The following PROX1 variants were observed in gnomAD, a reference collection of about 807,000 sequenced individuals.
PROX1 encodes the protein prospero homeobox protein 1.
PROX1 carries 7 observed loss-of-function variants against 58.8 expected under a neutral mutation model. The observed-to-expected ratio is 0.12, with a 90% CI of 0.07 to 0.22. The LOEUF (loss-of-function observed/expected upper bound fraction) is 0.22, where lower values mean the gene tolerates loss of function less well. Ranked by LOEUF, PROX1 falls within the 10% of genes least tolerant of loss-of-function variation. PROX1 has a pLI of 1.00. For missense variants in PROX1, 675 were observed against 927.8 expected (o/e 0.73, Z 3.54); for synonymous variants, 350 against 358.3 (o/e 0.98, Z 0.26).
At position 214,038,694 on chromosome 1, in the gene PROX1, A is replaced by T. The variant is rs1664909425; in HGVS notation, c.*2860A>T. ...AAATACCAGTTTTTTCCCAACAAGTACAATTGTTCTTGTGCCTTCTGTGGC... is the reference window on the plus strand; with the variant it reads ...AAATACCAGTTTTTTCCCAACAAGTTCAATTGTTCTTGTGCCTTCTGTGGC... On this transcript the variant is annotated 3_prime_UTR_variant, in exon 5 of 5. Transcript: ENST00000366958. 6.6e-6 allele frequency: 1 copy of T among 152,198 alleles called. No homozygotes were observed. Among genetic ancestry groups the T allele is most frequent in the Non-Finnish European group, 1.5e-5 (1 of 68,040 alleles). The allele number at this position is 152,198 out of a possible 1,614,324, so 9.4% of individuals were successfully genotyped here. A position where few individuals can be genotyped will look rare whatever the true frequency, so the allele number is the denominator to read the frequency against.
intron 4 of PROX1, among the ~76,000 whole-genome samples, chr1:214,032,408 T>A (rs78030033): frequency 3.0e-4 from 46 of 151,600 alleles, no homozygotes; most frequent in Non-Finnish European, 4.7e-4. Context: ...TTTTTTTTTT[T>A]ATTTTTGAGA....
At position 214,040,132 on chromosome 1, in the gene PROX1, G is replaced by A. The variant is rs567365393; in HGVS notation, c.*4298G>A. 13 of 152,258 alleles carry A rather than the reference G, an allele frequency of 8.5e-5. No individual in the cohort carries two copies. Among genetic ancestry groups the A allele is most frequent in the Admixed American group, 3.9e-4 (6 of 15,292 alleles). The allele number at this position is 152,258 out of a possible 1,614,324, so 9.4% of individuals were successfully genotyped here. On this transcript the variant is annotated 3_prime_UTR_variant, in exon 5 of 5. Transcript: ENST00000366958. ...TGGTTTATATGAGTAAGCAGTTACC[G>A]TATTGCACTTAAATGTTATGTTGAA...
intron 3 of PROX1, among the ~76,000 whole-genome samples, chr1:214,011,155 C>T (rs893059215): frequency 6.6e-6 from 1 of 151,982 alleles, no homozygotes; most frequent in African/African-American, 2.4e-5. Flanking sequence ...AGTAACAACA[C>T]TTCCAGGATT....
chr1:213,995,520 A>G (rs1304948224), intron 1 of PROX1, among the ~76,000 whole-genome samples: 2 of 151,584 alleles, frequency 1.3e-5, no homozygotes, highest in East Asian at 1.9e-4. Flanking sequence ...CCTGTATGTT[A>G]AAGAGTTTCT....
intron 2 of PROX1, among the ~76,000 whole-genome samples, chr1:214,001,394 A>G (rs555533613): frequency 9.0e-4 from 137 of 152,342 alleles, no homozygotes; most frequent in Middle Eastern, 3.4e-3. Context: ...TCAAATTCCA[A>G]AAGAAACAGT....
intron 4 of PROX1, among the ~76,000 whole-genome samples, chr1:214,033,041 C>T (rs1480889092): frequency 6.6e-6 from 1 of 152,088 alleles, no homozygotes; most frequent in Non-Finnish European, 1.5e-5. Flanking sequence ...CTAGATGTAC[C>T]TCTTCTCTCT....
chr1:214,016,253 C>G (rs182758513), intron 4 of PROX1, among the ~76,000 whole-genome samples: 432 of 152,214 alleles, frequency 2.8e-3, no homozygotes, highest in Non-Finnish European at 3.8e-3. Flanking sequence ...TGAATATGTT[C>G]TCTACCCCAT....
At chr1:214,033,798 C>T (rs550373714) in intron 4 of PROX1, among the ~76,000 whole-genome samples, 4 of 152,150 alleles carry the variant, frequency 2.6e-5, no homozygotes, top group South Asian at 2.1e-4. Context: ...GATTGCTTCA[C>T]GAATTTTTAT....
intron 1 of PROX1, among the ~76,000 whole-genome samples, chr1:213,992,696 T>C (rs1663079808): frequency 6.6e-6 from 1 of 152,118 alleles, no homozygotes; most frequent in South Asian, 2.1e-4. Flanking sequence ...ATGCCAACCT[T>C]ACACTCTCCC....
chr1:213,984,866 T>C (rs1451228848), upstream of PROX1: 1 of 152,396 alleles, frequency 6.6e-6, no homozygotes, highest in Non-Finnish European at 1.5e-5. Flanking sequence ...TTGTTTAGGA[T>C]CTGATAACAG....
intron 4 of PROX1, among the ~76,000 whole-genome samples, chr1:214,023,625 T>C (rs1182417219): frequency 6.6e-6 from 1 of 152,174 alleles, no homozygotes; most frequent in Non-Finnish European, 1.5e-5. Context: ...CCCCAAATGA[T>C]AGTAATATAG....
At chr1:214,018,973 G>A (rs1428005989) in intron 4 of PROX1, among the ~76,000 whole-genome samples, 1 of 152,180 alleles carries the variant, frequency 6.6e-6, no homozygotes, top group African/African-American at 2.4e-5. Flanking sequence ...GTGTAGCCAA[G>A]TTCTTTGTGC....
At chr1:214,021,629 C>T (rs567764777) in intron 4 of PROX1, among the ~76,000 whole-genome samples, 95 of 152,374 alleles carry the variant, frequency 6.2e-4, no homozygotes, top group Non-Finnish European at 1.1e-3. Flanking sequence ...CAGGTGTGGG[C>T]AGTCATGCCA....
intron 4 of PROX1, among the ~76,000 whole-genome samples, chr1:214,019,746 ATCT>A (rs1347287421): frequency 6.6e-6 from 1 of 152,142 alleles, no homozygotes; most frequent in Admixed American, 6.5e-5. Context: ...GCCCAAGCAC[ATCT>A]TCTTTGTTGC....
upstream of PROX1, chr1:213,987,806 A>AT (rs1034430124): frequency 1.1e-4 from 15 of 142,142 alleles, no homozygotes; most frequent in Middle Eastern, 4.0e-3. Context: ...CCCCTTTTAT[A>AT]TTTTTTTTTC....
At position 213,989,444 on chromosome 1, in the gene PROX1, C is replaced by G. The variant is rs1199701016; in HGVS notation, c.-68+961C>G. On this transcript the variant is annotated intron_variant, in intron 1 of 4. Coordinates refer to ENST00000366958, the MANE Select transcript of PROX1 (RefSeq NM_001270616.2). Reference sequence around the variant, plus strand: ...AGCAGAAATGGGAGGCGATGAATCTCCCAGCCATCGCTGGCAGACTATGGT... The same window carrying G: ...AGCAGAAATGGGAGGCGATGAATCTGCCAGCCATCGCTGGCAGACTATGGT... Among the ~76,000 whole-genome samples, 4 of 151,940 alleles carry G rather than the reference C, an allele frequency of 2.6e-5. No individual in the cohort carries two copies. The South Asian group carries it at 6.2e-4, about 24-fold the overall frequency.
chr1:214,008,980 C>T (rs1171621271), intron 3 of PROX1, among the ~76,000 whole-genome samples: 2 of 152,180 alleles, frequency 1.3e-5, no homozygotes, highest in Non-Finnish European at 2.9e-5. Context: ...CTGTTCACTA[C>T]TGGGTGCTGA....
At chr1:214,022,546 A>C (rs1409258990) in intron 4 of PROX1, among the ~76,000 whole-genome samples, 1 of 152,188 alleles carries the variant, frequency 6.6e-6, no homozygotes, top group East Asian at 1.9e-4. Context: ...TCCTGCTCTG[A>C]ATGTGGCTGA....
At position 214,005,282 on chromosome 1, in the gene PROX1, T is replaced by C. The variant is rs1476357034; in HGVS notation, c.1833+10T>C. 6.3e-7 allele frequency: 1 copy of C among 1,582,008 alleles called. No individual in the cohort carries two copies. The highest frequency in any genetic ancestry group is 8.6e-7 in the Non-Finnish European group (1 of 1,156,176). On this transcript the variant is annotated intron_variant, in intron 3 of 4. Transcript: ENST00000366958. ...CTTCTCCGACGTAAAGGTAGGGACT[T>C]TTTTTATTCTTAATTTTTTCATTTT...
Sources: allele counts gnomAD v4.1 joint callset (sites outside exome capture counted in the v4.1 genomes callset), GRCh38; gene constraint gnomAD v4.1.1; transcripts MANE v1.5; gene names NCBI Gene and HGNC (gene_info 2026-07-23, HGNC 2026-07-21).